CLDN14: variants seen among roughly 807,000 people sequenced by gnomAD.
CLDN14 encodes the protein claudin-14.
In CLDN14, 2 loss-of-function variants were observed where a neutral mutation model predicts 2.1. The ratio of observed to expected loss-of-function variants is 0.96; its 90% CI spans 0.39 to 3.01. CLDN14 has a LOEUF of 3.01. Ranked by LOEUF, CLDN14 falls within the 30% of genes most tolerant of loss-of-function variation. The pLI is 0.09. For missense variants in CLDN14, 298 were observed against 328.0 expected (o/e 0.91, Z 0.71); for synonymous variants, 136 against 154.4 (o/e 0.88, Z 0.88).
rs1200243455 is a variant in CLDN14, at chr21:36,551,536, G to A, written c.-220+24875C>T. ...GGGTACCACAAATAACTGTTGGAGT[G>A]TAGCCAGCCCCTTGTTTAGGGAAGA... On this transcript the variant is annotated intron_variant, in intron 1 of 2. Coordinates refer to the CLDN14 transcript ENST00000342108. The surrounding 1 kb of genome is among the most constrained non-coding windows in gnomAD (Gnocchi z 4.8). 6.6e-6 allele frequency among the ~76,000 whole-genome samples: 1 copy of A among 152,208 alleles called. No homozygotes were observed. The highest frequency in any genetic ancestry group is 1.5e-5 in the Non-Finnish European group (1 of 68,050).
chr21:36,526,712 A>C (rs2087333360), intron 1 of CLDN14, among the ~76,000 whole-genome samples: 1 of 152,050 alleles, frequency 6.6e-6, no homozygotes. Flanking sequence ...GGCACTTCAC[A>C]CTCCTGAGGT....
rs1254161008 is a variant in CLDN14 at position 36,505,233 on chromosome 21, A to G, written c.-82+5130T>C. Among the ~76,000 whole-genome samples the G allele has an allele frequency of 2.0e-5, 3 of 152,254 alleles. No individual in the cohort carries two copies. In the East Asian group the frequency reaches 5.8e-4, roughly 29 times the overall value. On this transcript the variant is annotated intron_variant, in intron 2 of 2. Coordinates refer to the CLDN14 transcript ENST00000342108. ...TAAAAAGAAATCAGGATTGTATTTC[A>G]TATGTCTTTGTTTCATATTTCATTT... is the stretch of plus-strand genomic sequence containing the variant.
chr21:36,570,931 T>C (rs940086486), intron 1 of CLDN14, among the ~76,000 whole-genome samples: 1 of 152,208 alleles, frequency 6.6e-6, no homozygotes, highest in Non-Finnish European at 1.5e-5. Context: ...AACCTCTGCC[T>C]CCCCGGTTCC....
At chr21:36,512,918 G>A (rs980009209) in intron 1 of CLDN14, among the ~76,000 whole-genome samples, 7 of 152,200 alleles carry the variant, frequency 4.6e-5, no homozygotes, top group African/African-American at 9.7e-5. Context: ...ATGTAAAAAA[G>A]GAAAAGAATG....
chr21:36,514,658 TGTGTAG>T (rs1568865631), intron 1 of CLDN14, among the ~76,000 whole-genome samples: 4,287 of 144,688 alleles, frequency 0.03, 217 homozygotes, highest in African/African-American at 0.11. Flanking sequence ...TGTGTGTGTG[TGTGTAG>T]AGAGACAGGA....
intron 1 of CLDN14, among the ~76,000 whole-genome samples, chr21:36,555,110 A>G (rs1357814258): frequency 6.6e-6 from 1 of 152,250 alleles, no homozygotes; most frequent in African/African-American, 2.4e-5. Context: ...TGAACGAGTG[A>G]ATGGATACCT....
chr21:36,487,379 G>T, intron 2 of CLDN14: 1 of 200,554 alleles, frequency 5.0e-6, no homozygotes, highest in Non-Finnish European at 1.1e-5. Flanking sequence ...ACTCACTGTT[G>T]TCCACACACA....
chr21:36,517,584 G>A (rs2087238412), intron 1 of CLDN14, among the ~76,000 whole-genome samples: 1 of 152,216 alleles, frequency 6.6e-6, no homozygotes, highest in African/African-American at 2.4e-5. Flanking sequence ...TTGTTGCAAT[G>A]ACAAGACTCG....
chr21:36,571,106 C>G (rs751147971), intron 1 of CLDN14, among the ~76,000 whole-genome samples: 2 of 152,256 alleles, frequency 1.3e-5, no homozygotes, highest in Non-Finnish European at 2.9e-5. Context: ...TCCGAAAGTG[C>G]TGGGATTACA....
intron 1 of CLDN14, among the ~76,000 whole-genome samples, chr21:36,566,884 G>C (rs2146527239): frequency 6.6e-6 from 1 of 152,326 alleles, no homozygotes; most frequent in East Asian, 1.9e-4. Flanking sequence ...ACGTTGATGG[G>C]TGAGGAGGCC....
chr21:36,475,995 C>T (rs933604318), intron 1 of CLDN14, among the ~76,000 whole-genome samples: 1 of 152,034 alleles, frequency 6.6e-6, no homozygotes, highest in Non-Finnish European at 1.5e-5. Flanking sequence ...TTTAAAGGTC[C>T]TATTAGGAGC....
chr21:36,513,870 C>T (rs780414553), intron 1 of CLDN14, among the ~76,000 whole-genome samples: 20 of 146,886 alleles, frequency 1.4e-4, no homozygotes, highest in Non-Finnish European at 2.5e-4. Flanking sequence ...CTAACTTTTT[C>T]GCTCAGGCTG....
rs60272055 is a variant in CLDN14 at position 36,496,436 on chromosome 21, C to CA, written c.-82+13926dup. ...AGGGAGACAGAGTGAGACCTTGTTT[C>CA]AAAAAAAAAAAAAAAAAAAAAGTCA... On this transcript the variant is annotated intron_variant, in intron 2 of 2. Coordinates refer to the CLDN14 transcript ENST00000342108. Among the ~76,000 whole-genome samples, 928 of 95,470 alleles carry CA rather than the reference C, an allele frequency of 9.7e-3. 11 individuals are homozygous for CA. Among genetic ancestry groups the CA allele is most frequent in the South Asian group, 0.024 (58 of 2,454 alleles). 62.6% of individuals were successfully genotyped at this position (95,470 alleles called of 152,430 possible). A position where few individuals can be genotyped will look rare whatever the true frequency, so the allele number is the denominator to read the frequency against.
At chr21:36,541,996 C>T (rs1266413197) in intron 1 of CLDN14, among the ~76,000 whole-genome samples, 3 of 152,148 alleles carry the variant, frequency 2.0e-5, no homozygotes, top group African/African-American at 4.8e-5. Context: ...CTCCCTCTGT[C>T]GCCCAGGCTG....
chr21:36,506,454 G>C (rs1052903344), intron 2 of CLDN14, among the ~76,000 whole-genome samples: 2 of 152,088 alleles, frequency 1.3e-5, no homozygotes, highest in Non-Finnish European at 1.5e-5. Flanking sequence ...AAAATTAGTT[G>C]GGTGTGGTGA....
upstream of CLDN14, among the ~76,000 whole-genome samples, chr21:36,483,703 C>T (rs35734452): frequency 0.41 from 62,905 of 152,120 alleles, 15,832 homozygotes; most frequent in Non-Finnish European, 0.55. Context: ...GCAAAGTGCC[C>T]GGCGTGGTGC....
intron 2 of CLDN14, among the ~76,000 whole-genome samples, chr21:36,488,186 T>C (rs2086916679): frequency 6.7e-6 from 1 of 150,120 alleles, no homozygotes; most frequent in African/African-American, 2.5e-5. Context: ...TTAAGTGAAA[T>C]ATGCCCATTG....
At chr21:36,504,505 CACCCCCTTTAAAG>C (rs774656533) in intron 2 of CLDN14, among the ~76,000 whole-genome samples, 8 of 152,138 alleles carry the variant, frequency 5.3e-5, no homozygotes, top group South Asian at 2.1e-4. Context: ...TGAAATAATT[CACCCCCTTTAAAG>C]ACAAAAGATA....
At chr21:36,486,288 T>C in intron 2 of CLDN14, 1 of 791,032 alleles carries the variant, frequency 1.3e-6, no homozygotes, top group Non-Finnish European at 2.3e-6. Context: ...AAGTCCGGTA[T>C]GGCCAAACTC....
Sources: gnomAD v4.1 joint callset for allele counts (sites outside exome capture counted in the v4.1 genomes callset) on GRCh38, gnomAD v4.1.1 for gene constraint, Gnocchi (gnomAD v3.1) non-coding constraint, MANE v1.5 for transcripts, NCBI Gene and HGNC (gene_info 2026-07-23, HGNC 2026-07-21) for gene names.